CSMD3: variants seen among roughly 807,000 people sequenced by gnomAD.
CSMD3 encodes the protein CUB and Sushi multiple domains 3, also known as CUB and sushi domain-containing protein 3.
A neutral mutation model predicts 435.2 loss-of-function variants in CSMD3; 177 were observed. The ratio of observed to expected loss-of-function variants is 0.41; its 90% CI spans 0.36 to 0.46. CSMD3 has a LOEUF of 0.46. Ranked by LOEUF, CSMD3 falls within the 20% of genes least tolerant of loss-of-function variation. The pLI, the probability that CSMD3 is intolerant of heterozygous loss-of-function variation, is 0.34. For missense variants in CSMD3, 4,265 were observed against 4,504.6 expected, an observed-to-expected ratio of 0.95 and a Z score of 1.52; for synonymous variants, 1,656 against 1,520.5, an observed-to-expected ratio of 1.09 and a Z score of -2.07.
chr8:112,795,029 G>T (rs892109057), intron 13 of CSMD3, among the ~76,000 whole-genome samples: 2 of 151,946 alleles, frequency 1.3e-5, no homozygotes, highest in African/African-American at 4.8e-5. Context: ...AAGTAAAAAC[G>T]TCCAGATAGT....
intron 5 of CSMD3, among the ~76,000 whole-genome samples, chr8:113,073,247 T>C (rs1469905252): frequency 3.3e-5 from 5 of 151,834 alleles, no homozygotes; most frequent in African/African-American, 4.8e-5. Context: ...TTCATGGAGC[T>C]GACTCGTTTC....
intron 9 of CSMD3, among the ~76,000 whole-genome samples, chr8:112,938,296 G>T (rs961063690): frequency 2.0e-5 from 3 of 152,138 alleles, no homozygotes; most frequent in African/African-American, 4.8e-5. Context: ...AATGAAACCT[G>T]CAACTTTCTC....
rs1490045542 is a variant in CSMD3, at chr8:112,472,593, A to G, written c.5393T>C (p.Phe1798Ser). The G allele has an allele frequency of 1.3e-5, 19 of 1,504,036 alleles. No homozygotes were observed. Among genetic ancestry groups the G allele is most frequent in the Non-Finnish European group, 1.5e-5 (16 of 1,079,844 alleles). The allele number at this position is 1,504,036 out of a possible 1,614,324, so 93.2% of individuals were successfully genotyped here. Residue 1798 changes from phenylalanine (F) to serine (S), a missense_variant and splice_region_variant, in exon 32 of 71, where the codon TTT becomes TCT. Phe to Ser is a radical substitution (Grantham distance 155, BLOSUM62 -2). This residue lies in a region of CSMD3 where 3,255 missense variants were observed against 3,380.2 expected (regional missense o/e 0.96). Transcript: ENST00000297405. Reference protein sequence around the residue: ...CVYSIAVPKEFVVFGQFVFFQ... With the variant: ...CVYSIAVPKESVVFGQFVFFQ... Reference sequence around the variant, plus strand: ...ATAATGAGTCGAATCTTACTTACCAAACTCCTTTGGAACTGCTATAGAATA... The same window carrying G: ...ATAATGAGTCGAATCTTACTTACCAGACTCCTTTGGAACTGCTATAGAATA...
At chr8:112,851,158 T>C (rs2080473565) in intron 11 of CSMD3, among the ~76,000 whole-genome samples, 1 of 152,126 alleles carries the variant, frequency 6.6e-6, no homozygotes, top group South Asian at 2.1e-4. Flanking sequence ...CAAGAGCTGA[T>C]AAAAGTTACT....
intron 12 of CSMD3, among the ~76,000 whole-genome samples, chr8:112,821,522 T>C (rs541830825): frequency 1.3e-5 from 2 of 152,342 alleles, no homozygotes; most frequent in Admixed American, 1.3e-4. Context: ...GTAAACTTTT[T>C]TAAGTTCCTT....
intron 5 of CSMD3, among the ~76,000 whole-genome samples, chr8:113,083,389 A>T (rs1564293204): frequency 6.6e-6 from 1 of 152,022 alleles, no homozygotes; most frequent in Non-Finnish European, 1.5e-5. Context: ...CTACCTAGCA[A>T]AGCTAGGTAG....
At chr8:112,981,533 T>A (rs1014448182) in intron 6 of CSMD3, among the ~76,000 whole-genome samples, 4 of 151,614 alleles carry the variant, frequency 2.6e-5, no homozygotes, top group Non-Finnish European at 5.9e-5. Flanking sequence ...CTGTCATTTA[T>A]CATGTACAAG....
chr8:112,571,884 A>G (rs530543291), intron 24 of CSMD3, among the ~76,000 whole-genome samples: 13 of 148,992 alleles, frequency 8.7e-5, no homozygotes, highest in African/African-American at 1.5e-4. Flanking sequence ...AAAAAAAAAA[A>G]AAAGAAAGAA....
intron 27 of CSMD3, among the ~76,000 whole-genome samples, chr8:112,533,771 C>A (rs948584118): frequency 3.8e-4 from 58 of 152,164 alleles, no homozygotes; most frequent in African/African-American, 1.3e-3. Flanking sequence ...ACCAAATGGA[C>A]CTACTTGACA....
intron 6 of CSMD3, among the ~76,000 whole-genome samples, chr8:113,009,089 G>A (rs2086162715): frequency 6.6e-6 from 1 of 151,568 alleles, no homozygotes; most frequent in Non-Finnish European, 1.5e-5. Context: ...ATGGCTACAA[G>A]AAAAATTAAA....
At chr8:112,962,132 C>T (rs2084253618) in intron 7 of CSMD3, among the ~76,000 whole-genome samples, 1 of 151,636 alleles carries the variant, frequency 6.6e-6, no homozygotes, top group Admixed American at 6.6e-5. Flanking sequence ...ATATTAATAT[C>T]CACTCAATTT....
rs142880481 is a variant in CSMD3, at chr8:112,829,742, A to G, written c.1803T>C (p.Asp601=). 1.5e-3 allele frequency: 2,359 copies of G among 1,613,366 alleles called. 12 individuals are homozygous for G. In the Middle Eastern group the frequency reaches 0.021, roughly 14 times the overall value. The part of the protein sequence containing the change: ...FEEFDLEIGY[D]TLTIGDGGEV... ...CGCCCCCATCGCCAATTGTCAAGGT[A>G]TCATAGCCAATCTCCAGATCAAATT... The change falls in exon 12 of 71, where the codon GAT becomes GAC. Residue 601 remains aspartate, a synonymous_variant. Transcript: ENST00000297405.
intron 9 of CSMD3, among the ~76,000 whole-genome samples, chr8:112,946,079 T>C (rs943399157): frequency 6.6e-6 from 1 of 151,842 alleles, no homozygotes; most frequent in Non-Finnish European, 1.5e-5. Flanking sequence ...GCTCATTATA[T>C]TACTATCACA....
intron 27 of CSMD3, among the ~76,000 whole-genome samples, chr8:112,548,055 T>C (rs1286100233): frequency 2.0e-5 from 3 of 152,184 alleles, no homozygotes; most frequent in East Asian, 1.9e-4. Context: ...TAGTGGCCTA[T>C]AGTCCATTTA....
intron 10 of CSMD3, among the ~76,000 whole-genome samples, chr8:112,887,196 T>C (rs2081626534): frequency 7.3e-6 from 1 of 137,330 alleles, no homozygotes; most frequent in East Asian, 2.0e-4. Flanking sequence ...TTACAATTAT[T>C]TGTTTTTTTT....
chr8:112,789,539 T>C (rs956008763), intron 13 of CSMD3, among the ~76,000 whole-genome samples: 5 of 152,036 alleles, frequency 3.3e-5, no homozygotes, highest in Admixed American at 2.0e-4. Flanking sequence ...AACATGCTTA[T>C]ATTATGTTAG....
intron 68 of CSMD3, among the ~76,000 whole-genome samples, chr8:112,232,346 G>C (rs930685290): frequency 6.6e-5 from 10 of 152,160 alleles, no homozygotes; most frequent in Admixed American, 6.5e-4. Context: ...GGTGGCTCAC[G>C]CCTGTAATTC....
chr8:112,490,185 A>C (rs1820547508), intron 31 of CSMD3, among the ~76,000 whole-genome samples: 2 of 152,136 alleles, frequency 1.3e-5, no homozygotes, highest in African/African-American at 4.8e-5. Flanking sequence ...GTGTTTACTA[A>C]TTGAATCTTC....
intron 22 of CSMD3, among the ~76,000 whole-genome samples, chr8:112,597,199 C>G (rs1046077502): frequency 6.6e-6 from 1 of 151,134 alleles, no homozygotes; most frequent in African/African-American, 2.4e-5. Context: ...CCACCAATCC[C>G]ACAGAAATAC....
Sources: allele counts gnomAD v4.1 joint callset (sites outside exome capture counted in the v4.1 genomes callset), GRCh38; gene constraint gnomAD v4.1.1; regional missense constraint gnomAD v4.1.1; transcripts MANE v1.5; gene names NCBI Gene and HGNC (gene_info 2026-07-23, HGNC 2026-07-21).